The following ZNF536 variants were observed in gnomAD, a reference collection of about 807,000 sequenced individuals.
ZNF536 encodes zinc finger protein 536.
Under a neutral mutation model 84.5 loss-of-function variants are expected in ZNF536, and 13 were observed. The ratio of observed to expected loss-of-function variants is 0.15; its 90% confidence interval spans 0.10 to 0.24. The LOEUF is 0.24. ZNF536 is among the 10% of genes least tolerant of loss of function. The pLI, the probability that ZNF536 is intolerant of heterozygous loss-of-function variation, is 1.00. For synonymous variants in ZNF536, 811 were observed against 742.5 expected, an observed-to-expected ratio of 1.09 and a Z score of -1.50; for missense variants, 1,536 against 1,747.5, an observed-to-expected ratio of 0.88 and a Z score of 2.16.
intron 1 of ZNF536, among the ~76,000 whole-genome samples, chr19:30,246,849 A>G (rs974783484): frequency 3.3e-5 from 5 of 152,192 alleles, no homozygotes; most frequent in Non-Finnish European, 7.3e-5. Flanking sequence ...TTAAATAAGG[A>G]CCCTAAGAGT....
At chr19:30,515,726 C>T (rs2055610261) in intron 2 of ZNF536, among the ~76,000 whole-genome samples, 1 of 151,990 alleles carries the variant, frequency 6.6e-6, no homozygotes, top group Non-Finnish European at 1.5e-5. Flanking sequence ...ATAAGAATGC[C>T]CATTGCTCTA....
chr19:30,704,283 G>A (rs2052124262), intron 1 of ZNF536, among the ~76,000 whole-genome samples: 1 of 152,116 alleles, frequency 6.6e-6, no homozygotes, highest in Admixed American at 6.5e-5. Context: ...ACACCTCTAG[G>A]AATCCCCAAA....
chr19:30,407,554 G>T (rs1284129717), intron 1 of ZNF536, among the ~76,000 whole-genome samples: 2 of 152,278 alleles, frequency 1.3e-5, no homozygotes, highest in East Asian at 3.9e-4. Context: ...GGGGCCTCAC[G>T]AACTTCTGAC....
At chr19:30,312,362 G>T (rs535737163) in intron 2 of ZNF536, among the ~76,000 whole-genome samples, 6 of 152,252 alleles carry the variant, frequency 3.9e-5, no homozygotes, top group Middle Eastern at 3.4e-3. Flanking sequence ...TCAGAGAGTG[G>T]AATGGTGGTC....
At chr19:30,525,791 G>A (rs1250026244) in intron 2 of ZNF536, among the ~76,000 whole-genome samples, 5 of 152,200 alleles carry the variant, frequency 3.3e-5, no homozygotes, top group Non-Finnish European at 7.3e-5. Context: ...CGTAGCCTCA[G>A]AGGAGAACAG....
intron 1 of ZNF536, among the ~76,000 whole-genome samples, chr19:30,268,863 C>T (rs964808628): frequency 9.9e-5 from 15 of 152,170 alleles, no homozygotes; most frequent in African/African-American, 3.4e-4. Context: ...TCTCCAAGAA[C>T]GGATTCATGT....
intron 2 of ZNF536, among the ~76,000 whole-genome samples, chr19:30,348,538 C>T (rs2047822287): frequency 6.6e-6 from 1 of 152,186 alleles, no homozygotes; most frequent in African/African-American, 2.4e-5. Flanking sequence ...CTTCCTGTGA[C>T]CCTGGGACAT....
intron 1 of ZNF536, among the ~76,000 whole-genome samples, chr19:30,237,112 C>G (rs1166510598): frequency 1.3e-5 from 2 of 151,946 alleles, no homozygotes; most frequent in Non-Finnish European, 2.9e-5. Flanking sequence ...AATACCAGGC[C>G]CCTGTGTGGA....
At chr19:30,567,798 G>A (rs1265880215) in intron 1 of ZNF536, among the ~76,000 whole-genome samples, 1 of 152,154 alleles carries the variant, frequency 6.6e-6, no homozygotes, top group Non-Finnish European at 1.5e-5. Flanking sequence ...AGGTCCCACA[G>A]AGCCGCTTCA....
chr19:30,257,822 T>C (rs74493498), intron 1 of ZNF536, among the ~76,000 whole-genome samples: 2,272 of 152,316 alleles, frequency 0.015, 53 homozygotes, highest in African/African-American at 0.052. Flanking sequence ...AGCTGCTCAC[T>C]CTAAGAGTCT....
intron 1 of ZNF536, among the ~76,000 whole-genome samples, chr19:30,657,615 C>T (rs1003397773): frequency 1.3e-5 from 2 of 152,246 alleles, no homozygotes; most frequent in African/African-American, 2.4e-5. Context: ...AAGGACTCAT[C>T]CTTCCTTGCA....
At chr19:30,495,383 A>G (rs1226166195) in intron 2 of ZNF536, among the ~76,000 whole-genome samples, 1 of 152,226 alleles carries the variant, frequency 6.6e-6, no homozygotes, top group Non-Finnish European at 1.5e-5. Flanking sequence ...TCAGCAGTTA[A>G]TAAATATTTG....
At chr19:30,596,892 C>A (rs2047484854) in intron 1 of ZNF536, among the ~76,000 whole-genome samples, 1 of 151,556 alleles carries the variant, frequency 6.6e-6, no homozygotes, top group Non-Finnish European at 1.5e-5. Context: ...CGAAAGGAGG[C>A]TCTCTTATTA....
chr19:30,304,932 C>T (rs2046301379), intron 2 of ZNF536, among the ~76,000 whole-genome samples: 1 of 152,242 alleles, frequency 6.6e-6, no homozygotes, highest in African/African-American at 2.4e-5. Flanking sequence ...AAAGATGCCT[C>T]TGTCAGAGGA....
chr19:30,411,648 GT>G, intron 1 of ZNF536, among the ~76,000 whole-genome samples: 1 of 151,940 alleles, frequency 6.6e-6, no homozygotes, highest in Non-Finnish European at 1.5e-5. Flanking sequence ...TCTCTACCTG[GT>G]TCATTGACAT....
chr19:30,496,483 C>T (rs1355139316), intron 2 of ZNF536, among the ~76,000 whole-genome samples: 1 of 152,176 alleles, frequency 6.6e-6, no homozygotes, highest in Non-Finnish European at 1.5e-5. Context: ...TGTCCTGTCC[C>T]ATGCCAGAGC....
At chr19:30,337,519 C>A (rs146014046) in intron 2 of ZNF536, among the ~76,000 whole-genome samples, 2 of 152,324 alleles carry the variant, frequency 1.3e-5, no homozygotes, top group African/African-American at 2.4e-5. Flanking sequence ...CCTCCCTGTA[C>A]TTTCCTGGGC....
intron 1 of ZNF536, among the ~76,000 whole-genome samples, chr19:30,257,019 G>A (rs978523239): frequency 6.6e-6 from 1 of 152,112 alleles, no homozygotes; most frequent in Admixed American, 6.5e-5. Context: ...ATTACAATTA[G>A]CTTTGAAATG....
chr19:30,540,588 T>C (rs998816317), intron 3 of ZNF536, among the ~76,000 whole-genome samples: 12 of 152,212 alleles, frequency 7.9e-5, no homozygotes, highest in African/African-American at 2.9e-4. Flanking sequence ...GGGAGGGCGC[T>C]GAGCCTCAGA....
Sources: allele counts gnomAD v4.1 joint callset (sites outside exome capture counted in the v4.1 genomes callset), GRCh38; gene constraint gnomAD v4.1.1; transcripts MANE v1.5; gene names NCBI Gene and HGNC (gene_info 2026-07-23, HGNC 2026-07-21).